Variants in SH3GL2 observed in about 807,000 individuals in gnomAD.
SH3GL2 encodes the protein SH3 domain containing GRB2 like 2, endophilin A1.
Under a neutral mutation model 46.0 loss-of-function variants are expected in SH3GL2, and 24 were observed. The ratio of observed to expected loss-of-function variants is 0.52; its 90% CI spans 0.38 to 0.73. The LOEUF (loss-of-function observed/expected upper bound fraction) is 0.73. SH3GL2 is among the 30% of genes least tolerant of loss of function. The probability of loss-of-function intolerance (pLI) is 0.00; values close to 1 mark genes in which losing one functional copy is unlikely to be tolerated. For missense variants in SH3GL2, 413 were observed against 424.2 expected (o/e 0.97, Z 0.23); for synonymous variants, 196 against 147.1 (o/e 1.33, Z -2.40).
At chr9:17,638,994 A>G (rs1819611455) in intron 1 of SH3GL2, among the ~76,000 whole-genome samples, 1 of 152,204 alleles carries the variant, frequency 6.6e-6, no homozygotes, top group Admixed American at 6.5e-5. Context: ...TGTACTTTAA[A>G]ATTCTGATTA....
intron 1 of SH3GL2, among the ~76,000 whole-genome samples, chr9:17,658,553 C>T (rs1820143429): frequency 6.6e-6 from 1 of 152,210 alleles, no homozygotes; most frequent in African/African-American, 2.4e-5. Flanking sequence ...AGCCACAGTG[C>T]TAAGCATTTT....
intron 1 of SH3GL2, among the ~76,000 whole-genome samples, chr9:17,667,159 A>C (rs1030735078): frequency 6.6e-6 from 1 of 152,102 alleles, no homozygotes; most frequent in Non-Finnish European, 1.5e-5. Flanking sequence ...ACTGTGATAC[A>C]TGTTGCAGCA....
chr9:17,752,941 A>G (rs1292531495), intron 2 of SH3GL2, among the ~76,000 whole-genome samples: 1 of 152,072 alleles, frequency 6.6e-6, no homozygotes, highest in Non-Finnish European at 1.5e-5. Flanking sequence ...TGTCCCACTT[A>G]TAAGTGAGAA....
At chr9:17,756,900 C>T (rs1362582762) in intron 2 of SH3GL2, among the ~76,000 whole-genome samples, 8 of 152,190 alleles carry the variant, frequency 5.3e-5, no homozygotes, top group Non-Finnish European at 1.2e-4. Context: ...GGAATTGCCA[C>T]ACTGTCTTCC....
At chr9:17,603,107 C>T (rs1458248131) in intron 1 of SH3GL2, among the ~76,000 whole-genome samples, 3 of 152,130 alleles carry the variant, frequency 2.0e-5, no homozygotes, top group African/African-American at 7.2e-5. Context: ...GGAGAGGTCA[C>T]CTTAATTCCA....
At chr9:17,767,746 A>G (rs1823354799) in intron 3 of SH3GL2, among the ~76,000 whole-genome samples, 2 of 152,216 alleles carry the variant, frequency 1.3e-5, no homozygotes, top group South Asian at 4.1e-4. Context: ...TGGCAATGAA[A>G]AATAATCAAA....
chr9:17,730,061 G>A (rs1442729611), intron 1 of SH3GL2, among the ~76,000 whole-genome samples: 1 of 152,038 alleles, frequency 6.6e-6, no homozygotes, highest in Non-Finnish European at 1.5e-5. Context: ...CAATATGGCC[G>A]TTTTCATGAT....
chr9:17,743,258 T>C (rs1822580766), intron 1 of SH3GL2, among the ~76,000 whole-genome samples: 1 of 152,212 alleles, frequency 6.6e-6, no homozygotes, highest in Non-Finnish European at 1.5e-5. Context: ...GGCCTTGATA[T>C]ATTTAGCTCC....
intron 1 of SH3GL2, among the ~76,000 whole-genome samples, chr9:17,714,760 T>C (rs1821710466): frequency 6.6e-6 from 1 of 151,834 alleles, no homozygotes; most frequent in Non-Finnish European, 1.5e-5. Flanking sequence ...TAGTCAGTTA[T>C]CTTTTAATAG....
Position 17,786,347 on chromosome 9 carries a change from C to T in SH3GL2, c.188-34C>T, listed in dbSNP as rs200396212. 1.9e-6 allele frequency: 3 copies of T among 1,588,786 alleles called. No individual in the cohort carries two copies. The South Asian group carries it at 3.4e-5, about 18-fold the overall frequency. ...CCCTATTTCCGCAGTGTCACATTGC[C>T]TACTCTGAAAGCTTGTTCTCTCTTC... On this transcript the variant is annotated intron_variant, in intron 3 of 8. Coordinates refer to ENST00000380607, the MANE Select transcript of SH3GL2 (RefSeq NM_003026.5).
intron 1 of SH3GL2, among the ~76,000 whole-genome samples, chr9:17,643,168 C>G (rs980507937): frequency 2.1e-4 from 32 of 152,124 alleles, no homozygotes; most frequent in Non-Finnish European, 4.4e-4. Context: ...TGGGAGTTTG[C>G]TCATGATTTG....
At chr9:17,780,357 TCTCATTG>T (rs1215279200) in intron 3 of SH3GL2, among the ~76,000 whole-genome samples, 1 of 152,194 alleles carries the variant, frequency 6.6e-6, no homozygotes, top group Non-Finnish European at 1.5e-5. Flanking sequence ...CTTCTTTCAT[TCTCATTG>T]CTCTGTAGAA....
intron 1 of SH3GL2, among the ~76,000 whole-genome samples, chr9:17,666,389 A>G (rs1306423451): frequency 6.6e-6 from 1 of 152,062 alleles, no homozygotes. Flanking sequence ...TAATTCTTTC[A>G]GTTTCTCTGC....
chr9:17,738,190 G>C (rs558931876), intron 1 of SH3GL2, among the ~76,000 whole-genome samples: 1 of 152,058 alleles, frequency 6.6e-6, no homozygotes, highest in East Asian at 1.9e-4. Flanking sequence ...TTCAATTTGA[G>C]TGCTGCTATA....
chr9:17,634,769 C>T (rs1819505153), intron 1 of SH3GL2, among the ~76,000 whole-genome samples: 1 of 152,166 alleles, frequency 6.6e-6, no homozygotes, highest in Admixed American at 6.5e-5. Flanking sequence ...AGTCAGCCAA[C>T]AGCTTTTGAG....
At chr9:17,585,975 G>A (rs114555019) in intron 1 of SH3GL2, among the ~76,000 whole-genome samples, 2,936 of 152,278 alleles carry the variant, frequency 0.019, 35 homozygotes, top group African/African-American at 0.037. Context: ...GCTTAAGAAT[G>A]ATGTACATGG....
chr9:17,749,947 G>T (rs951560087), intron 2 of SH3GL2, among the ~76,000 whole-genome samples: 3 of 152,130 alleles, frequency 2.0e-5, no homozygotes, highest in African/African-American at 7.2e-5. Context: ...ATTGACTGAA[G>T]AACACACTCA....
intron 1 of SH3GL2, among the ~76,000 whole-genome samples, chr9:17,710,210 C>T (rs1453763458): frequency 6.6e-6 from 1 of 151,974 alleles, no homozygotes; most frequent in Non-Finnish European, 1.5e-5. Context: ...CTCCCTTTTG[C>T]TCTGCATTTC....
At chr9:17,686,975 GAATCTTTGCAAAAC>G (rs1416143859) in intron 1 of SH3GL2, among the ~76,000 whole-genome samples, 1 of 151,902 alleles carries the variant, frequency 6.6e-6, no homozygotes, top group Non-Finnish European at 1.5e-5. Flanking sequence ...ATCGACAGTG[GAATCTTTGCAAAAC>G]AATGGAATTG....
Sources: allele counts gnomAD v4.1 joint callset (sites outside exome capture counted in the v4.1 genomes callset), GRCh38; gene constraint gnomAD v4.1.1; transcripts MANE v1.5; gene names NCBI Gene and HGNC (gene_info 2026-07-23, HGNC 2026-07-21).